Variants in CDC73 observed in about 807,000 individuals in gnomAD.
CDC73 encodes parafibromin.
CDC73 carries 21 observed loss-of-function variants against 83.7 expected under a neutral mutation model. The ratio of observed to expected loss-of-function variants is 0.25; its 90% CI spans 0.18 to 0.36. CDC73 has a LOEUF of 0.36. CDC73 is among the 10% of genes least tolerant of loss of function. The probability of loss-of-function intolerance (pLI) is 1.00; values close to 1 mark genes in which losing one functional copy is unlikely to be tolerated. For missense variants in CDC73, 342 were observed against 653.3 expected (o/e 0.52, Z 5.19); for synonymous variants, 224 against 212.9 (o/e 1.05, Z -0.45).
intron 15 of CDC73, among the ~76,000 whole-genome samples, chr1:193,238,580 C>T (rs1300702810): frequency 3.9e-5 from 6 of 152,142 alleles, no homozygotes; most frequent in African/African-American, 1.2e-4. Flanking sequence ...TGGAATGGAC[C>T]CTTCAATATC....
intron 3 of CDC73, among the ~76,000 whole-genome samples, chr1:193,132,323 T>C (rs1341062131): frequency 6.6e-6 from 1 of 152,224 alleles, no homozygotes; most frequent in African/African-American, 2.4e-5. Flanking sequence ...GGCATTATGC[T>C]GGGTGTTGTG....
At chr1:193,136,400 G>C (rs1675801108) in intron 5 of CDC73, 1 of 195,078 alleles carries the variant, frequency 5.1e-6, no homozygotes, top group Non-Finnish European at 1.2e-5. Flanking sequence ...CTGAGAAATG[G>C]ATCTGATATT....
At chr1:193,178,786 A>C (rs1156762690) in intron 10 of CDC73, among the ~76,000 whole-genome samples, 2 of 152,192 alleles carry the variant, frequency 1.3e-5, no homozygotes, top group Non-Finnish European at 2.9e-5. Flanking sequence ...AATGGAGATA[A>C]GCACTTAAAC....
chr1:193,196,113 T>C (rs1222624167), intron 10 of CDC73, among the ~76,000 whole-genome samples: 1 of 152,226 alleles, frequency 6.6e-6, no homozygotes, highest in Non-Finnish European at 1.5e-5. Context: ...CTAAGAGTTT[T>C]ATAGTTTTCA....
chr1:193,145,607 T>G (rs1022857082), intron 7 of CDC73, among the ~76,000 whole-genome samples: 1 of 152,222 alleles, frequency 6.6e-6, no homozygotes, highest in Non-Finnish European at 1.5e-5. Flanking sequence ...TTTAAAAGAA[T>G]TTAAATTTTT....
At chr1:193,173,574 G>A (rs192895267) in intron 10 of CDC73, among the ~76,000 whole-genome samples, 8 of 152,022 alleles carry the variant, frequency 5.3e-5, no homozygotes, top group African/African-American at 1.4e-4. Flanking sequence ...TTTGTAATTC[G>A]TTTGTTGGAA....
chr1:193,125,050 A>G (rs2103113830), intron 1 of CDC73, 62 bp from the exon 2 acceptor site: 1 of 854,872 alleles, frequency 1.2e-6, no homozygotes, highest in Non-Finnish European at 2.0e-6. Flanking sequence ...ATATAAATGA[A>G]TCCAGCCTGA....
chr1:193,180,687 T>C (rs779324715), intron 10 of CDC73: 3 of 1,614,086 alleles, frequency 1.9e-6, no homozygotes, highest in East Asian at 2.2e-5. Context: ...ACTTGCTATC[T>C]TTGTTTCGAT....
intron 9 of CDC73, among the ~76,000 whole-genome samples, chr1:193,151,625 A>G (rs1020489704): frequency 2.0e-5 from 3 of 152,242 alleles, no homozygotes; most frequent in East Asian, 1.9e-4. Context: ...ATTGCTTTCT[A>G]TAAAATATGT....
At chr1:193,161,343 G>C (rs1328415398) in intron 10 of CDC73, among the ~76,000 whole-genome samples, 1 of 151,190 alleles carries the variant, frequency 6.6e-6, no homozygotes, top group African/African-American at 2.4e-5. Context: ...ATATTCACTT[G>C]AAATGCTTAG....
At chr1:193,176,515 A>G (rs1325196) in intron 10 of CDC73, among the ~76,000 whole-genome samples, 6,042 of 152,312 alleles carry the variant, frequency 0.04, 116 homozygotes, top group Middle Eastern at 0.048. Flanking sequence ...AGGAGCAGCA[A>G]ACAATTTTAT....
intron 15 of CDC73, among the ~76,000 whole-genome samples, chr1:193,238,259 T>G (rs1040717639): frequency 6.6e-6 from 1 of 152,168 alleles, no homozygotes; most frequent in African/African-American, 2.4e-5. Context: ...TCCCCTTCCT[T>G]CTTAAACAAC....
chr1:193,149,597 C>A (rs1411081933), intron 8 of CDC73, among the ~76,000 whole-genome samples: 2 of 151,888 alleles, frequency 1.3e-5, no homozygotes, highest in African/African-American at 4.8e-5. Context: ...GAAGTATATG[C>A]CTAGTGTGAA....
At chr1:193,144,678 G>A (rs1428381772) in intron 7 of CDC73, among the ~76,000 whole-genome samples, 1 of 152,146 alleles carries the variant, frequency 6.6e-6, no homozygotes, top group African/African-American at 2.4e-5. Context: ...TTTGTGTGAC[G>A]AAATTGGAAT....
At chr1:193,236,535 C>G (rs1012855006) in intron 15 of CDC73, among the ~76,000 whole-genome samples, 179 bp downstream of exon 15, 12 of 152,172 alleles carry the variant, frequency 7.9e-5, no homozygotes, top group African/African-American at 2.9e-4. Flanking sequence ...TTAATACTTT[C>G]TGTGTAGGTA....
chr1:193,211,748 A>G (rs1677283778), intron 11 of CDC73, among the ~76,000 whole-genome samples: 1 of 152,202 alleles, frequency 6.6e-6, no homozygotes, highest in South Asian at 2.1e-4. Flanking sequence ...GTGCAGTTTC[A>G]GTCTTGTGAA....
At chr1:193,178,039 T>C (rs1054334277) in intron 10 of CDC73, among the ~76,000 whole-genome samples, 3 of 152,182 alleles carry the variant, frequency 2.0e-5, no homozygotes, top group African/African-American at 7.2e-5. Flanking sequence ...TATATAAAAA[T>C]CACATAGTGT....
chr1:193,210,830 C>T (rs1677265717), intron 11 of CDC73, among the ~76,000 whole-genome samples: 1 of 151,950 alleles, frequency 6.6e-6, no homozygotes, highest in Non-Finnish European at 1.5e-5. Flanking sequence ...GACTGATTAC[C>T]TGTAATGCTG....
At chr1:193,170,105 T>C (rs925671463) in intron 10 of CDC73, among the ~76,000 whole-genome samples, 1 of 152,202 alleles carries the variant, frequency 6.6e-6, no homozygotes, top group Non-Finnish European at 1.5e-5. Context: ...GCTCCATCCA[T>C]GTCCCTGCAA....
Sources: gnomAD v4.1 joint callset for allele counts (sites outside exome capture counted in the v4.1 genomes callset) on GRCh38, gnomAD v4.1.1 for gene constraint, MANE v1.5 for transcripts, NCBI Gene and HGNC (gene_info 2026-07-23, HGNC 2026-07-21) for gene names.